MAMLD1: variants seen among roughly 807,000 people sequenced by gnomAD.
The protein encoded by MAMLD1 is mastermind like domain containing 1.
Under a neutral mutation model 45.0 loss-of-function variants are expected in MAMLD1, and 14 were observed. That is an observed-to-expected ratio of 0.31 (90% confidence interval 0.21 to 0.49). The LOEUF (loss-of-function observed/expected upper bound fraction) is 0.49, where lower values mean the gene tolerates loss of function less well. Among genes scored for constraint, MAMLD1 ranks in the 20% least tolerant of loss-of-function variants. The pLI is 0.99. For synonymous variants in MAMLD1, 254 were observed against 247.8 expected (o/e 1.02, Z -0.24); for missense variants, 543 against 603.6 (o/e 0.90, Z 1.05).
At chrX:150,441,031 TTAA>T (rs1236248266) in intron 1 of MAMLD1, among the ~76,000 whole-genome samples, 11 of 104,766 alleles carry the variant, frequency 1.0e-4, no homozygotes, top group African/African-American at 2.4e-4. Flanking sequence ...AATTTAATAA[TTAA>T]TAATAATAAA....
At chrX:150,465,105 A>G (rs184189870) in intron 3 of MAMLD1, among the ~76,000 whole-genome samples, 34 of 112,295 alleles carry the variant, frequency 3.0e-4, no homozygotes, top group Non-Finnish European at 4.9e-4. Flanking sequence ...GCCCAATAGG[A>G]ACAGTGCATA....
At chrX:150,485,536 G>C (rs985842612) in intron 5 of MAMLD1, among the ~76,000 whole-genome samples, 1 of 111,512 alleles carries the variant, frequency 9.0e-6, no homozygotes, top group Non-Finnish European at 1.9e-5. Context: ...AGCTAGCATT[G>C]CTTCTTTTCT....
intron 1 of MAMLD1, among the ~76,000 whole-genome samples, chrX:150,425,743 TC>T (rs782178233): frequency 2.7e-5 from 3 of 111,445 alleles, no homozygotes; most frequent in African/African-American, 9.8e-5. Context: ...GAATTTACAG[TC>T]TAGAGGAGGA....
rs2033755847 is a variant in MAMLD1 at position 150,401,391 on chromosome X, C to A, written c.-64+37861C>A. The stretch of plus-strand genomic sequence containing the variant: ...ATGTGAAGGACCTCTTCAAGGAGAA[C>A]TACAAACCACTGCTCAAGGAAATAA... On this transcript the variant is annotated intron_variant, in intron 1 of 7. Transcript: ENST00000370401. Among the ~76,000 whole-genome samples the A allele has an allele frequency of 3.9e-5, 4 of 101,302 alleles. No homozygotes were observed. In the Admixed American group the frequency reaches 4.4e-4, roughly 11 times the overall value. 88.0% of individuals were successfully genotyped at this position (101,302 alleles called of 115,157 possible).
chrX:150,402,438 A>T (rs1557402474), intron 1 of MAMLD1, among the ~76,000 whole-genome samples: 1 of 109,637 alleles, frequency 9.1e-6, no homozygotes, highest in Non-Finnish European at 1.9e-5. Context: ...GCTGGAGAGG[A>T]TGTGGAGAAA....
At chrX:150,475,027 T>A (rs1557406794) in intron 5 of MAMLD1, among the ~76,000 whole-genome samples, 2 of 111,772 alleles carry the variant, frequency 1.8e-5, no homozygotes, top group African/African-American at 6.5e-5. Context: ...GGGAAGAACA[T>A]ATTTCCCACT....
rs75985947 is a variant in MAMLD1 at position 150,512,975 on chromosome X, T to C, written c.*1016T>C. On this transcript the variant is annotated 3_prime_UTR_variant, in exon 8 of 8. Transcript: ENST00000370401. Reference sequence around the variant, plus strand: ...CCCAGATGAAGACTGGGTGTGCAACTTGAGGCTGATCGACGACATTTTGGA... The same window carrying C: ...CCCAGATGAAGACTGGGTGTGCAACCTGAGGCTGATCGACGACATTTTGGA... 1 of 1,154,392 alleles carries C rather than the reference T, an allele frequency of 8.7e-7. No individual in the cohort carries two copies.
Position 150,512,806 on chromosome X carries a change from G to A in MAMLD1, c.*847G>A, listed in dbSNP as rs1397073394. The A allele has an allele frequency of 2.7e-5, 31 of 1,154,069 alleles. No individual in the cohort carries two copies. The highest frequency in any genetic ancestry group is 2.3e-4 in the Middle Eastern group (1 of 4,328). ...TTGCTGCCAGCCAGTTCCCAGGTCC[G>A]TTCGACAGAACGGATATTCCCCCTG... On this transcript the variant is annotated 3_prime_UTR_variant, in exon 8 of 8. Transcript: ENST00000370401.
At chrX:150,511,948 G>C in intron 7 of MAMLD1, 56 bp from the exon 8 acceptor site, 1 of 1,020,611 alleles carries the variant, frequency 9.8e-7, no homozygotes, top group Non-Finnish European at 1.2e-6. Context: ...GGTGGCCACA[G>C]CCCAAGTCGA....
intron 1 of MAMLD1, chrX:150,421,031 C>A (rs2034487127): frequency 8.5e-6 from 1 of 117,090 alleles, no homozygotes; most frequent in Non-Finnish European, 1.8e-5. Flanking sequence ...GCGCCCCTCC[C>A]CCAGCCTCGC....
chrX:150,494,388 C>T (rs910440729), intron 5 of MAMLD1, among the ~76,000 whole-genome samples: 5 of 111,084 alleles, frequency 4.5e-5, no homozygotes, highest in African/African-American at 9.8e-5. Flanking sequence ...AGCAAGACTC[C>T]GTCTCAAAAA....
upstream of MAMLD1, among the ~76,000 whole-genome samples, chrX:150,362,338 C>A (rs1212720478): frequency 6.3e-5 from 7 of 111,102 alleles, no homozygotes; most frequent in Admixed American, 5.7e-4. Flanking sequence ...TGATGAGACT[C>A]CCGTCCCTGT....
At chrX:150,434,725 G>A (rs2035065751) in intron 1 of MAMLD1, among the ~76,000 whole-genome samples, 2 of 112,245 alleles carry the variant, frequency 1.8e-5, no homozygotes, top group African/African-American at 6.5e-5. Flanking sequence ...ATGATTTTGA[G>A]AAATTTTTAG....
intron 1 of MAMLD1, among the ~76,000 whole-genome samples, chrX:150,381,870 A>AT (rs1360664469): frequency 9.1e-6 from 1 of 110,485 alleles, no homozygotes; most frequent in Non-Finnish European, 1.9e-5. Context: ...GATTATTTGC[A>AT]TTTTTTCTCT....
chrX:150,414,413 G>A (rs1237423213), intron 1 of MAMLD1, among the ~76,000 whole-genome samples: 13 of 111,485 alleles, frequency 1.2e-4, no homozygotes, highest in Admixed American at 9.5e-4. Context: ...ATGTGATTGC[G>A]TAACCAATTA....
chrX:150,496,484 G>A (rs942914542), intron 5 of MAMLD1, among the ~76,000 whole-genome samples: 18 of 112,185 alleles, frequency 1.6e-4, no homozygotes, highest in Non-Finnish European at 3.2e-4. Context: ...AACATTTACA[G>A]CGTTTCACTC....
intron 5 of MAMLD1, among the ~76,000 whole-genome samples, chrX:150,495,171 A>G (rs1194824244): frequency 9.2e-6 from 1 of 109,068 alleles, no homozygotes; most frequent in Non-Finnish European, 1.9e-5. Context: ...GTGCCACTAC[A>G]CTCCAGCCTG....
intron 1 of MAMLD1, among the ~76,000 whole-genome samples, chrX:150,406,811 C>T (rs1314485586): frequency 1.8e-5 from 2 of 111,255 alleles, no homozygotes; most frequent in African/African-American, 6.5e-5. Context: ...GCCCCTCCTT[C>T]ATTTGCGCTC....
intron 1 of MAMLD1, among the ~76,000 whole-genome samples, chrX:150,392,908 T>C (rs1042469772): frequency 9.0e-5 from 10 of 111,187 alleles, no homozygotes; most frequent in Middle Eastern, 4.6e-3. Context: ...CTGCATCCTG[T>C]ATCAGAATAA....
Sources: allele counts gnomAD v4.1 joint callset (sites outside exome capture counted in the v4.1 genomes callset), GRCh38; gene constraint gnomAD v4.1.1; transcripts MANE v1.5; gene names NCBI Gene and HGNC (gene_info 2026-07-23, HGNC 2026-07-21).